The following CRTC1 variants were observed in gnomAD, a reference collection of about 807,000 sequenced individuals.
The protein encoded by CRTC1 is CREB regulated transcription coactivator 1, also known as CREB-regulated transcription coactivator 1.
A neutral mutation model predicts 66.1 loss-of-function variants in CRTC1; 18 were observed. The ratio of observed to expected loss-of-function variants is 0.27; its 90% confidence interval spans 0.19 to 0.40. The LOEUF (loss-of-function observed/expected upper bound fraction) is 0.40. Among genes scored for constraint, CRTC1 ranks in the 10% least tolerant of loss-of-function variants. CRTC1 has a pLI of 1.00. For missense variants in CRTC1, 669 were observed against 887.9 expected (o/e 0.75, Z 3.13); for synonymous variants, 416 against 398.8 (o/e 1.04, Z -0.51).
At chr19:18,693,848 G>C (rs1195990442) in intron 1 of CRTC1, among the ~76,000 whole-genome samples, 1 of 151,852 alleles carries the variant, frequency 6.6e-6, no homozygotes, top group Non-Finnish European at 1.5e-5. Context: ...AATTAGCCTG[G>C]GCTGGGTGGG....
At chr19:18,706,299 G>C (rs950584309) in intron 1 of CRTC1, among the ~76,000 whole-genome samples, 1 of 138,306 alleles carries the variant, frequency 7.2e-6, no homozygotes, top group African/African-American at 2.7e-5. Flanking sequence ...CCTCCTCCCG[G>C]GTTCAAAGCG....
Position 18,765,780 on chromosome 19 carries a change from G to A in CRTC1, c.1011+252G>A, listed in dbSNP as rs138063318. On this transcript the variant is annotated intron_variant, in intron 9 of 13. Coordinates refer to ENST00000321949, the MANE Select transcript of CRTC1 (RefSeq NM_015321.3). ...GTTCGAGACCAGCCTGGCCAACATG[G>A]TGAAACCTCGTCTCTACAAAAAATA... Among the ~76,000 whole-genome samples the A allele has an allele frequency of 6.1e-3, 926 of 152,212 alleles. 14 individuals carry two copies. Among genetic ancestry groups the A allele is most frequent in the African/African-American group, 0.021 (884 of 41,506 alleles).
At chr19:18,692,701 C>A (rs1032957881) in intron 1 of CRTC1, among the ~76,000 whole-genome samples, 1 of 151,930 alleles carries the variant, frequency 6.6e-6, no homozygotes, top group Non-Finnish European at 1.5e-5. Context: ...GTGTGTGAAA[C>A]CAGGGGCTGC....
chr19:18,776,263 C>T (rs1416817186), intron 13 of CRTC1, among the ~76,000 whole-genome samples: 3 of 152,244 alleles, frequency 2.0e-5, no homozygotes, highest in Admixed American at 6.5e-5. Flanking sequence ...CGTGATGCAC[C>T]GTGACAACCA....
At chr19:18,718,654 T>C (rs2145615951) in intron 1 of CRTC1, among the ~76,000 whole-genome samples, 1 of 152,306 alleles carries the variant, frequency 6.6e-6, no homozygotes, top group South Asian at 2.1e-4. Flanking sequence ...TCATTCCTTT[T>C]CATGGCTGAA....
At chr19:18,693,958 C>T (rs1293400828) in intron 1 of CRTC1, among the ~76,000 whole-genome samples, 1 of 151,926 alleles carries the variant, frequency 6.6e-6, no homozygotes. Flanking sequence ...CATGGTGAAA[C>T]CCTGTCTCTA....
chr19:18,700,180 G>T (rs1442882080), intron 1 of CRTC1, among the ~76,000 whole-genome samples: 1 of 152,166 alleles, frequency 6.6e-6, no homozygotes, highest in East Asian at 1.9e-4. Flanking sequence ...CTGTACTTGG[G>T]TCCTGACGCC....
intron 5 of CRTC1, among the ~76,000 whole-genome samples, chr19:18,751,432 G>T (rs1365036033): frequency 6.6e-6 from 1 of 152,202 alleles, no homozygotes; most frequent in Non-Finnish European, 1.5e-5. Context: ...GCTGAGGCAG[G>T]AGGGGGAATT....
In CRTC1 at chr19:18,777,783, A is replaced by C; in HGVS notation, c.*401A>C. 1 of 309,146 alleles carries C rather than the reference A, an allele frequency of 3.2e-6. No homozygotes were observed. The highest frequency in any genetic ancestry group is 4.8e-5 in the South Asian group (1 of 20,680). The allele number at this position is 309,146 out of a possible 1,614,324, so 19.2% of individuals were successfully genotyped here. A position where few individuals can be genotyped will look rare whatever the true frequency, so the allele number is the denominator to read the frequency against. On this transcript the variant is annotated 3_prime_UTR_variant, in exon 14 of 14. Coordinates refer to ENST00000321949, the MANE Select transcript of CRTC1 (RefSeq NM_015321.3). The surrounding 1 kb of genome is among the most constrained non-coding windows in gnomAD (Gnocchi z 5.5). ...CCGCCAGGGCTGTGGGCCGTGGCGCATTTTCCGACTGTTTGTCCAGCTCTC... is the reference window on the plus strand; with the variant it reads ...CCGCCAGGGCTGTGGGCCGTGGCGCCTTTTCCGACTGTTTGTCCAGCTCTC...
intron 1 of CRTC1, among the ~76,000 whole-genome samples, chr19:18,704,959 C>T (rs1436052660): frequency 1.3e-5 from 2 of 150,818 alleles, no homozygotes; most frequent in Non-Finnish European, 3.0e-5. Context: ...CTCCCAGCCC[C>T]TGGCAACCAC....
chr19:18,706,919 A>G (rs1013327051), intron 1 of CRTC1, among the ~76,000 whole-genome samples: 1 of 152,152 alleles, frequency 6.6e-6, no homozygotes, highest in African/African-American at 2.4e-5. Context: ...AGTTCTTTAT[A>G]TAGTCTACAT....
At chr19:18,696,563 G>C (rs1024638511) in intron 1 of CRTC1, among the ~76,000 whole-genome samples, 1 of 152,128 alleles carries the variant, frequency 6.6e-6, no homozygotes, top group African/African-American at 2.4e-5. Flanking sequence ...GGAGGAGCTG[G>C]GACTTGAACC....
chr19:18,740,186 G>A (rs2054081746), intron 1 of CRTC1, among the ~76,000 whole-genome samples: 1 of 151,980 alleles, frequency 6.6e-6, no homozygotes, highest in South Asian at 2.1e-4. Context: ...CCTGGAAGTG[G>A]AGGTTGCAGT....
chr19:18,768,524 C>A lies in CRTC1; in HGVS notation c.1051C>A (p.Pro351Thr). 1 of 1,609,758 alleles carries A rather than the reference C, an allele frequency of 6.2e-7. No homozygotes were observed. Among genetic ancestry groups the A allele is most frequent in the Non-Finnish European group, 8.5e-7 (1 of 1,179,206 alleles). The stretch of plus-strand genomic sequence containing the variant: ...CGCCCTGTCTCTGGAGCAGCAGCTG[C>A]CCTACGCCTTCTTCACCCAGGCGGG... ...MDALSLEQQLPYAFFTQAGSQ... is the reference protein window; with the variant it reads ...MDALSLEQQLTYAFFTQAGSQ... The change falls in exon 10 of 14, where the codon CCC becomes ACC. Residue 351 changes from proline (P) to threonine (T), a missense_variant. Physicochemically the swap from Pro to Thr is conservative, Grantham distance 38. This residue lies in a region of CRTC1 where 241 missense variants were observed against 242.2 expected (regional missense o/e 0.99). Transcript: ENST00000321949. The surrounding 1 kb of genome is among the most constrained non-coding windows in gnomAD (Gnocchi z 5.6).
At chr19:18,725,666 C>A (rs996984687) in intron 1 of CRTC1, among the ~76,000 whole-genome samples, 1 of 152,204 alleles carries the variant, frequency 6.6e-6, no homozygotes, top group Non-Finnish European at 1.5e-5. Context: ...GCCCCTCCTC[C>A]CTCTTCCTGA....
chr19:18,769,268 A>G (rs1365003378), intron 10 of CRTC1, among the ~76,000 whole-genome samples: 1 of 152,220 alleles, frequency 6.6e-6, no homozygotes, highest in East Asian at 1.9e-4. Flanking sequence ...AGCTCAGACC[A>G]TTGGACTTTT....
chr19:18,776,819 C>T (rs2054999135), intron 13 of CRTC1, among the ~76,000 whole-genome samples: 3 of 152,354 alleles, frequency 2.0e-5, no homozygotes, highest in Non-Finnish European at 2.9e-5. Context: ...CTCAGTGACT[C>T]GTGCCGAGCA....
chr19:18,695,521 TG>T (rs2052963873), intron 1 of CRTC1, among the ~76,000 whole-genome samples: 1 of 151,956 alleles, frequency 6.6e-6, no homozygotes, highest in South Asian at 2.1e-4. Context: ...CGACGGGGAA[TG>T]GGGTGCTACT....
rs184080189 is a variant in CRTC1 at position 18,718,097 on chromosome 19, A to C, written c.127-24813A>C. Among the ~76,000 whole-genome samples, 380 of 152,190 alleles carry C rather than the reference A, an allele frequency of 2.5e-3. 1 individual carries two copies. The highest frequency in any genetic ancestry group is 8.7e-3 in the African/African-American group (363 of 41,514). On this transcript the variant is annotated intron_variant, in intron 1 of 13. Transcript: ENST00000321949. The stretch of plus-strand genomic sequence containing the variant: ...TATTGTGCAGGCATCACAGCTATCT[A>C]GTTCCAGAACATTCTCATCATCCAA...
Sources: allele counts gnomAD v4.1 joint callset (sites outside exome capture counted in the v4.1 genomes callset), GRCh38; gene constraint gnomAD v4.1.1; regional missense constraint gnomAD v4.1.1; non-coding constraint Gnocchi (gnomAD v3.1); transcripts MANE v1.5; gene names NCBI Gene and HGNC (gene_info 2026-07-23, HGNC 2026-07-21).